SYT1: variants seen among roughly 807,000 people sequenced by gnomAD.
SYT1 encodes the protein synaptotagmin-1.
A neutral mutation model predicts 44.8 loss-of-function variants in SYT1; 8 were observed. The observed-to-expected ratio is 0.18, with a 90% confidence interval of 0.10 to 0.32. The LOEUF is 0.32. SYT1 is among the 10% of genes least tolerant of loss of function. SYT1 has a pLI of 1.00. For synonymous variants in SYT1, 154 were observed against 188.8 expected (o/e 0.82, Z 1.51); for missense variants, 286 against 509.3 (o/e 0.56, Z 4.22).
chr12:79,139,780 A>G (rs1460414633), intron 3 of SYT1, among the ~76,000 whole-genome samples: 6 of 152,190 alleles, frequency 3.9e-5, no homozygotes, highest in Non-Finnish European at 7.3e-5. Context: ...CCCCAAGAGA[A>G]AGAATTGTCA....
chr12:79,448,231 T>C (rs1374733767), intron 10 of SYT1, among the ~76,000 whole-genome samples: 1 of 152,204 alleles, frequency 6.6e-6, no homozygotes, highest in East Asian at 1.9e-4. Flanking sequence ...CCATTTGATA[T>C]CAATGCCAGA....
chr12:79,067,685 T>A (rs757698612), intron 3 of SYT1, among the ~76,000 whole-genome samples: 2 of 152,112 alleles, frequency 1.3e-5, no homozygotes, highest in African/African-American at 2.4e-5. Context: ...AGGTAAAACA[T>A]CAATACCAAC....
chr12:79,274,996 C>T (rs960320722), intron 4 of SYT1, among the ~76,000 whole-genome samples: 3 of 152,138 alleles, frequency 2.0e-5, no homozygotes, highest in Non-Finnish European at 4.4e-5. Flanking sequence ...CCACCCACCA[C>T]CAGCATGGGT....
chr12:78,914,908 G>A (rs1565715103), intron 1 of SYT1, among the ~76,000 whole-genome samples: 3 of 151,972 alleles, frequency 2.0e-5, no homozygotes, highest in South Asian at 4.1e-4. Flanking sequence ...GATTACAAAT[G>A]CCACATTAGT....
At position 79,049,658 on chromosome 12, in the gene SYT1, A is replaced by G. The variant is rs950802693; in HGVS notation, c.-18+2296A>G. Among the ~76,000 whole-genome samples the G allele has an allele frequency of 3.3e-5, 5 of 152,108 alleles. No homozygotes were observed. The East Asian group carries it at 9.6e-4, about 29-fold the overall frequency. On this transcript the variant is annotated intron_variant, in intron 3 of 10. Coordinates refer to ENST00000261205, the MANE Select transcript of SYT1 (RefSeq NM_005639.3). ...TGGAATAAAACATGATATCAGATGA[A>G]TATAATAGATAATACAGTGACATTT...
rs547539888 is a variant in SYT1 at position 79,431,756 on chromosome 12, TG to T, written c.929-12315del. On this transcript the variant is annotated intron_variant, in intron 9 of 10. Coordinates refer to ENST00000261205, the MANE Select transcript of SYT1 (RefSeq NM_005639.3). ...CGGGGTTTCACCATGTTGGTCAGGC[TG>T]GTCTCGAACTCCTGACCTCAGGTGA... 5.9e-3 allele frequency among the ~76,000 whole-genome samples: 892 copies of T among 152,238 alleles called. 12 individuals carry two copies. Among genetic ancestry groups the T allele is most frequent in the African/African-American group, 0.021 (863 of 41,544 alleles).
chr12:79,321,539 A>G (rs73352946), intron 8 of SYT1, among the ~76,000 whole-genome samples: 1,607 of 152,284 alleles, frequency 0.011, 30 homozygotes, highest in African/African-American at 0.036. Flanking sequence ...TAGTATGTTA[A>G]AGGGAAGGAA....
intron 1 of SYT1, among the ~76,000 whole-genome samples, chr12:78,966,036 C>T (rs1184918039): frequency 6.8e-6 from 1 of 147,418 alleles, no homozygotes; most frequent in East Asian, 2.0e-4. Context: ...GAGACCACGC[C>T]ACTGCATTCT....
At chr12:79,070,706 T>C (rs112684552) in intron 3 of SYT1, among the ~76,000 whole-genome samples, 3,277 of 152,118 alleles carry the variant, frequency 0.022, 59 homozygotes, top group Middle Eastern at 0.092. Context: ...GAACAACAGA[T>C]ACTGGGGATT....
chr12:78,931,238 A>AGAAAGAAAGGAAG (rs1877667216), intron 1 of SYT1, among the ~76,000 whole-genome samples: 7 of 41,120 alleles, frequency 1.7e-4, no homozygotes, highest in East Asian at 1.1e-3. Flanking sequence ...AAAGAAAGAA[A>AGAAAGAAAGGAAG]GAAGGAAGGA....
rs370707729 is a variant in SYT1, at chr12:78,879,044, G to A, written c.-217+13935G>A. Among the ~76,000 whole-genome samples, 5 of 151,782 alleles carry A rather than the reference G, an allele frequency of 3.3e-5. No homozygotes were observed. In the East Asian group the frequency reaches 5.9e-4, roughly 18 times the overall value. On this transcript the variant is annotated intron_variant, in intron 1 of 10. Transcript: ENST00000261205. Reference sequence around the variant, plus strand: ...CAGTCCATTAGCCAGACCCAGTCACGTGGCTCCTAATTACAAGGATATAGG... The same window carrying A: ...CAGTCCATTAGCCAGACCCAGTCACATGGCTCCTAATTACAAGGATATAGG...
At chr12:79,341,660 CTTTTTTTTTTTT>C (rs34759181) in intron 8 of SYT1, among the ~76,000 whole-genome samples, 28 of 63,102 alleles carry the variant, frequency 4.4e-4, no homozygotes, top group African/African-American at 1.6e-3. Flanking sequence ...TACATTCATT[CTTTTTTTTTTTT>C]TTTTTTTTTT....
chr12:79,168,581 A>G (rs1328331878), intron 3 of SYT1, among the ~76,000 whole-genome samples: 1 of 152,068 alleles, frequency 6.6e-6, no homozygotes, highest in Non-Finnish European at 1.5e-5. Flanking sequence ...CTGGGAAGAC[A>G]AAGGACAGAG....
At chr12:78,996,502 A>G (rs1462016306) in intron 2 of SYT1, among the ~76,000 whole-genome samples, 4 of 152,174 alleles carry the variant, frequency 2.6e-5, no homozygotes, top group Non-Finnish European at 5.9e-5. Flanking sequence ...CGTGGGGAAG[A>G]GCTTTAAACT....
chr12:79,149,426 C>T (rs963143494), intron 3 of SYT1, among the ~76,000 whole-genome samples: 4 of 152,040 alleles, frequency 2.6e-5, no homozygotes, highest in African/African-American at 4.8e-5. Flanking sequence ...TCTGCAAGTT[C>T]TATAACTAAA....
chr12:79,322,860 G>A (rs1881431024), intron 8 of SYT1, among the ~76,000 whole-genome samples: 1 of 152,122 alleles, frequency 6.6e-6, no homozygotes. Flanking sequence ...GGAAGAAAAA[G>A]TAAACCCAGT....
intron 9 of SYT1, among the ~76,000 whole-genome samples, chr12:79,355,892 C>T (rs941547197): frequency 1.3e-5 from 2 of 152,042 alleles, no homozygotes; most frequent in African/African-American, 2.4e-5. Flanking sequence ...AAAGACCCTC[C>T]CCTCCTGCAG....
chr12:79,359,272 G>T (rs148055987), intron 9 of SYT1, among the ~76,000 whole-genome samples: 29 of 152,290 alleles, frequency 1.9e-4, no homozygotes, highest in African/African-American at 7.0e-4. Context: ...AGCTATTCCA[G>T]CAGCCTCCTG....
At chr12:79,032,175 C>T (rs1012453305) in intron 2 of SYT1, among the ~76,000 whole-genome samples, 4 of 151,136 alleles carry the variant, frequency 2.6e-5, no homozygotes, top group African/African-American at 2.4e-5. Flanking sequence ...TGATTGTGTC[C>T]TTTGAGCTTT....
Sources: allele counts gnomAD v4.1 joint callset (sites outside exome capture counted in the v4.1 genomes callset), GRCh38; gene constraint gnomAD v4.1.1; transcripts MANE v1.5; gene names NCBI Gene and HGNC (gene_info 2026-07-23, HGNC 2026-07-21).